Variants in SP4 observed in about 807,000 individuals in gnomAD.
SP4 encodes transcription factor Sp4.
Under a neutral mutation model 72.8 loss-of-function variants are expected in SP4, and 19 were observed. The observed-to-expected ratio is 0.26, with a 90% CI of 0.18 to 0.38. The LOEUF (loss-of-function observed/expected upper bound fraction) is 0.38, where lower values mean the gene tolerates loss of function less well. SP4 is among the 10% of genes least tolerant of loss of function. The pLI, the probability that SP4 is intolerant of heterozygous loss-of-function variation, is 1.00. For synonymous variants in SP4, 395 were observed against 333.1 expected (o/e 1.19, Z -2.02); for missense variants, 1,008 against 926.3 (o/e 1.09, Z -1.14).
intron 3 of SP4, among the ~76,000 whole-genome samples, chr7:21,431,525 G>A (rs1375643964): frequency 6.6e-6 from 1 of 152,174 alleles, no homozygotes; most frequent in Non-Finnish European, 1.5e-5. Context: ...GATGTTTAAT[G>A]TAAGGTTGGT....
chr7:21,484,756 C>T (rs1784769100), intron 5 of SP4, among the ~76,000 whole-genome samples: 1 of 151,774 alleles, frequency 6.6e-6, no homozygotes, highest in Non-Finnish European at 1.5e-5. Context: ...GATTTGGAAC[C>T]TCACATTATG....
intron 5 of SP4, among the ~76,000 whole-genome samples, chr7:21,508,383 C>T (rs1436173618): frequency 1.3e-5 from 2 of 152,120 alleles, no homozygotes; most frequent in Non-Finnish European, 2.9e-5. Flanking sequence ...TAATTTATTT[C>T]CTAGCATCCA....
At chr7:21,434,168 T>C (rs1406887242) in intron 3 of SP4, among the ~76,000 whole-genome samples, 1 of 152,170 alleles carries the variant, frequency 6.6e-6, no homozygotes, top group Non-Finnish European at 1.5e-5. Flanking sequence ...GGGGAAAATT[T>C]TGCTCGAAAT....
intron 3 of SP4, among the ~76,000 whole-genome samples, chr7:21,470,899 T>C (rs1441500704): frequency 3.9e-5 from 6 of 152,176 alleles, no homozygotes; most frequent in Non-Finnish European, 8.8e-5. Flanking sequence ...AATGTGTAGT[T>C]ACAATACCAA....
chr7:21,458,684 C>G (rs6954187), intron 3 of SP4, among the ~76,000 whole-genome samples: 1 of 151,734 alleles, frequency 6.6e-6, no homozygotes, highest in South Asian at 2.1e-4. Context: ...CTCTTTTCAC[C>G]TTAATTGGAG....
Position 21,430,449 on chromosome 7 carries a change from G to A in SP4, c.1284G>A (p.Gln428=). 6.2e-7 allele frequency: 1 copy of A among 1,614,108 alleles called. No individual in the cohort carries two copies. Among genetic ancestry groups the A allele is most frequent in the East Asian group, 2.2e-5 (1 of 44,890 alleles). The change falls in exon 3 of 6, where the codon CAG becomes CAA. Residue 428 remains glutamine, a synonymous_variant. Transcript: ENST00000222584. The part of the protein sequence containing the change: ...QAIPPQSFQL[Q]SGQTIQTIQQ... The stretch of plus-strand genomic sequence containing the variant: ...TTCCACCACAGTCGTTTCAACTCCA[G>A]TCAGGGCAGACGATTCAGACCATCC...
At chr7:21,498,081 T>G (rs532713219) in intron 5 of SP4, among the ~76,000 whole-genome samples, 10 of 152,306 alleles carry the variant, frequency 6.6e-5, no homozygotes, top group Admixed American at 1.3e-4. Context: ...GCATGACTTC[T>G]CTCAAATTAT....
intron 3 of SP4, among the ~76,000 whole-genome samples, chr7:21,467,289 A>G (rs1784195633): frequency 6.6e-6 from 1 of 152,164 alleles, no homozygotes. Context: ...AAAGGTACTT[A>G]GAGCCAACAA....
At chr7:21,502,426 C>T (rs576036557) in intron 5 of SP4, among the ~76,000 whole-genome samples, 1 of 152,170 alleles carries the variant, frequency 6.6e-6, no homozygotes, top group East Asian at 1.9e-4. Flanking sequence ...GTTCTGACCT[C>T]TCTCCACAAT....
At chr7:21,497,408 A>G (rs1311349144) in intron 5 of SP4, among the ~76,000 whole-genome samples, 1 of 152,254 alleles carries the variant, frequency 6.6e-6, no homozygotes, top group Non-Finnish European at 1.5e-5. Flanking sequence ...TCTTACAGAA[A>G]TTCAGCCATT....
At chr7:21,478,891 G>A (rs1031461345) in intron 4 of SP4, among the ~76,000 whole-genome samples, 3 of 152,134 alleles carry the variant, frequency 2.0e-5, no homozygotes, top group Non-Finnish European at 4.4e-5. Flanking sequence ...CCGGCATGGA[G>A]AAACCTTGTC....
In SP4 at chr7:21,428,200, ACC is replaced by A; in HGVS notation, c.-50_-49del. On this transcript the variant is annotated 5_prime_UTR_variant, in exon 1 of 6. Coordinates refer to ENST00000222584, the MANE Select transcript of SP4 (RefSeq NM_003112.5). Reference sequence around the variant, plus strand: ...CTCCTCCCGCCTCGCCCCCACCCCCACCCACCTCTATCCCAGTGTCTCCGTCT... The same window carrying A: ...CTCCTCCCGCCTCGCCCCCACCCCCACACCTCTATCCCAGTGTCTCCGTCT... 3.8e-6 allele frequency: 1 copy of A among 264,656 alleles called. No individual in the cohort carries two copies. Among genetic ancestry groups the A allele is most frequent in the Non-Finnish European group, 7.1e-6 (1 of 141,188 alleles). The allele number at this position is 264,656 out of a possible 1,614,324, so 16.4% of individuals were successfully genotyped here.
At chr7:21,433,490 C>A (rs1037389452) in intron 3 of SP4, among the ~76,000 whole-genome samples, 8 of 152,206 alleles carry the variant, frequency 5.3e-5, no homozygotes, top group Non-Finnish European at 1.2e-4. Flanking sequence ...CATTGCCTAG[C>A]TTAGTAGGTG....
chr7:21,441,036 T>A (rs1319931975), intron 3 of SP4, among the ~76,000 whole-genome samples: 1 of 152,214 alleles, frequency 6.6e-6, no homozygotes, highest in Non-Finnish European at 1.5e-5. Context: ...GAAACCATTA[T>A]ATGGCAGCTG....
At chr7:21,476,115 A>T (rs1409644135) in intron 3 of SP4, among the ~76,000 whole-genome samples, 1 of 152,034 alleles carries the variant, frequency 6.6e-6, no homozygotes, top group Non-Finnish European at 1.5e-5. Flanking sequence ...TACTAAAAAT[A>T]CAAAAAAAAT....
intron 5 of SP4, among the ~76,000 whole-genome samples, chr7:21,498,995 G>T (rs901103089): frequency 6.6e-6 from 1 of 150,804 alleles, no homozygotes; most frequent in Non-Finnish European, 1.5e-5. Context: ...CAGGAGAATG[G>T]CAGGAACCTG....
chr7:21,475,835 A>G (rs1242553977), intron 3 of SP4, among the ~76,000 whole-genome samples: 1 of 152,194 alleles, frequency 6.6e-6, no homozygotes, highest in East Asian at 1.9e-4. Context: ...AGGATTTGTA[A>G]ATTTACTTAA....
chr7:21,429,479 T>C lies in SP4; in HGVS notation c.314T>C (p.Val105Ala). ...CTTGCTGGAAACGCTTGGCAACTTG[T>C]TGCCTCCACTCCTCCTGCTTCAAAA... ...TQLAGNAWQLVASTPPASKEN... is the reference protein window; with the variant it reads ...TQLAGNAWQLAASTPPASKEN... Residue 105 changes from valine to alanine, a missense_variant, in exon 3 of 6, where the codon GTT becomes GCT. Physicochemically the swap from Val to Ala is moderately conservative, Grantham distance 64. Around this residue, in one of 3 missense-constraint regions of SP4, gnomAD observed 893 missense variants for 743.3 expected, o/e 1.20. Coordinates refer to ENST00000222584, the MANE Select transcript of SP4 (RefSeq NM_003112.5). 1 of 1,614,232 alleles carries C rather than the reference T, an allele frequency of 6.2e-7. No individual in the cohort carries two copies. Among genetic ancestry groups the C allele is most frequent in the Non-Finnish European group, 8.5e-7 (1 of 1,180,038 alleles).
At position 21,512,920 on chromosome 7, in the gene SP4, A is replaced by T. The variant is rs897503959; in HGVS notation, c.*1651A>T. 1 of 152,630 alleles carries T rather than the reference A, an allele frequency of 6.6e-6. No individual in the cohort carries two copies. The highest frequency in any genetic ancestry group is 6.5e-5 in the Admixed American group (1 of 15,280). 9.5% of individuals were successfully genotyped at this position (152,630 alleles called of 1,614,324 possible). On this transcript the variant is annotated 3_prime_UTR_variant, in exon 6 of 6. Coordinates refer to ENST00000222584, the MANE Select transcript of SP4 (RefSeq NM_003112.5). The stretch of plus-strand genomic sequence containing the variant: ...AGTTTCATATGAAAAAAATTGGATT[A>T]TAAACCAGTAACTTAAATATTAATA...
Sources: allele counts gnomAD v4.1 joint callset (sites outside exome capture counted in the v4.1 genomes callset), GRCh38; gene constraint gnomAD v4.1.1; regional missense constraint gnomAD v4.1.1; transcripts MANE v1.5; gene names NCBI Gene and HGNC (gene_info 2026-07-23, HGNC 2026-07-21).